Variants in GLIS3 observed in about 807,000 individuals in gnomAD.
The protein encoded by GLIS3 is GLIS family zinc finger 3, also known as zinc finger protein GLIS3.
A neutral mutation model predicts 78.6 loss-of-function variants in GLIS3; 53 were observed. That is an observed-to-expected ratio of 0.67 (90% CI 0.54 to 0.85). GLIS3 has a LOEUF of 0.85. GLIS3 is among the 40% of genes least tolerant of loss of function. The probability of loss-of-function intolerance (pLI) is 0.00; values close to 1 mark genes in which losing one functional copy is unlikely to be tolerated. For synonymous variants in GLIS3, 684 were observed against 509.9 expected (o/e 1.34, Z -4.60); for missense variants, 1,703 against 1,231.1 (o/e 1.38, Z -5.74).
chr9:4,091,200 T>C (rs186540888), intron 4 of GLIS3, among the ~76,000 whole-genome samples: 1 of 151,928 alleles, frequency 6.6e-6, no homozygotes, highest in Non-Finnish European at 1.5e-5. Context: ...ACAAAAATAA[T>C]TTTTAAAATG....
intron 2 of GLIS3, among the ~76,000 whole-genome samples, chr9:4,162,809 A>G (rs1025699989): frequency 6.8e-6 from 1 of 147,452 alleles, no homozygotes; most frequent in African/African-American, 2.5e-5. Flanking sequence ...GTGAGCCAAG[A>G]TTTCACCACT....
intron 4 of GLIS3, among the ~76,000 whole-genome samples, chr9:3,992,204 C>T (rs1215887530): frequency 1.3e-5 from 2 of 152,166 alleles, no homozygotes; most frequent in East Asian, 1.9e-4. Flanking sequence ...TTTATTTTCA[C>T]TTTATACAGT....
chr9:3,907,726 G>C (rs1307718446), intron 6 of GLIS3, among the ~76,000 whole-genome samples: 1 of 152,006 alleles, frequency 6.6e-6, no homozygotes, highest in Non-Finnish European at 1.5e-5. Flanking sequence ...CTCCCTGTGG[G>C]ATTGGGCTAG....
the GLIS3 span, among the ~76,000 whole-genome samples, chr9:4,373,999 A>G: frequency 6.6e-6 from 1 of 152,148 alleles, no homozygotes; most frequent in Non-Finnish European, 1.5e-5. Context: ...ACTATTGAAC[A>G]ATTTACTTCA....
At chr9:4,324,039 T>G (rs991978678) in intron 2 of GLIS3, among the ~76,000 whole-genome samples, 1 of 152,204 alleles carries the variant, frequency 6.6e-6, no homozygotes, top group East Asian at 1.9e-4. Context: ...CATCTGTTCA[T>G]TTACTCACCT....
intron 2 of GLIS3, among the ~76,000 whole-genome samples, chr9:4,196,417 A>G (rs1215739094): frequency 1.3e-5 from 2 of 152,176 alleles, no homozygotes; most frequent in Non-Finnish European, 2.9e-5. Flanking sequence ...CGCACTGTGG[A>G]AGCTTTGTTC....
At chr9:4,193,109 A>C (rs1217603844) in intron 2 of GLIS3, among the ~76,000 whole-genome samples, 1 of 152,248 alleles carries the variant, frequency 6.6e-6, no homozygotes, top group African/African-American at 2.4e-5. Flanking sequence ...TGAAATGTTC[A>C]GACTTATATT....
chr9:4,207,149 T>G (rs1819953204), intron 2 of GLIS3, among the ~76,000 whole-genome samples: 1 of 152,142 alleles, frequency 6.6e-6, no homozygotes. Flanking sequence ...ATCCATAACA[T>G]CTTTCATAAC....
chr9:3,986,125 T>A (rs183870407), intron 4 of GLIS3, among the ~76,000 whole-genome samples: 3 of 152,236 alleles, frequency 2.0e-5, no homozygotes, highest in African/African-American at 4.8e-5. Flanking sequence ...TTTCAATATC[T>A]TAGAGCCACT....
intron 2 of GLIS3, among the ~76,000 whole-genome samples, chr9:4,338,639 A>G (rs755217010): frequency 6.6e-6 from 1 of 152,194 alleles, no homozygotes; most frequent in Middle Eastern, 3.2e-3. Context: ...ATTGTTCTGC[A>G]TGAAGTTTGG....
At position 3,953,760 on chromosome 9, in the gene GLIS3, GCTCTCTCTCT is replaced by G. The variant is rs71507912; in HGVS notation, c.1711-16581_1711-16572del. ...AATATTGCCAATGATAATTAGATTTGCTCTCTCTCTCTCTCTCTCTCTCTCTCTCTCTCTC... is the reference window on the plus strand; with the variant it reads ...AATATTGCCAATGATAATTAGATTTGCTCTCTCTCTCTCTCTCTCTCTCTC... On this transcript the variant is annotated intron_variant, in intron 4 of 10. Coordinates refer to ENST00000381971, the MANE Select transcript of GLIS3 (RefSeq NM_001042413.2). Among the ~76,000 whole-genome samples, 419 of 103,370 alleles carry G rather than the reference GCTCTCTCTCT, an allele frequency of 4.1e-3. 2 individuals carry two copies. Among genetic ancestry groups the G allele is most frequent in the African/African-American group, 0.014 (378 of 27,088 alleles). 67.8% of individuals were successfully genotyped at this position (103,370 alleles called of 152,430 possible).
At chr9:3,867,734 CGTGTGT>C (rs925289052) in intron 8 of GLIS3, among the ~76,000 whole-genome samples, 2 of 14,920 alleles carry the variant, frequency 1.3e-4, no homozygotes, top group African/African-American at 2.2e-4. Flanking sequence ...TGTGTGCGTG[CGTGTGT>C]GTGTGTGTGT....
upstream of GLIS3, among the ~76,000 whole-genome samples, chr9:4,303,519 C>T (rs1435017652): frequency 2.0e-5 from 3 of 152,196 alleles, no homozygotes; most frequent in African/African-American, 4.8e-5. Flanking sequence ...AGCCCAAACT[C>T]TTCGGCTCAC....
intron 4 of GLIS3, among the ~76,000 whole-genome samples, chr9:4,105,241 C>T (rs1008513801): frequency 6.6e-6 from 1 of 152,130 alleles, no homozygotes; most frequent in Admixed American, 6.5e-5. Context: ...TGCATGGATT[C>T]TGTACTTAAG....
the GLIS3 span, among the ~76,000 whole-genome samples, chr9:4,450,567 T>C: frequency 2.0e-4 from 30 of 151,930 alleles, no homozygotes; most frequent in Non-Finnish European, 3.7e-4. Flanking sequence ...AAGGTTAAAA[T>C]GAAGGAAAAA....
rs759772060 is a variant in GLIS3 at position 4,118,788 on chromosome 9, G to C, written c.690C>G (p.Gly230=). The C allele has an allele frequency of 2.0e-5, 32 of 1,611,594 alleles. No individual in the cohort carries two copies. Among genetic ancestry groups the C allele is most frequent in the Non-Finnish European group, 2.7e-5 (32 of 1,180,024 alleles). ...ASSMKQEWSQ[G]YRALPSLSNH... is the part of the protein sequence containing the mutation. ...TGGAGAGCGAAGGGAGGGCCCTGTAGCCCTGGGACCACTCCTGCTTCATGC... is the reference window on the plus strand; with the variant it reads ...TGGAGAGCGAAGGGAGGGCCCTGTACCCCTGGGACCACTCCTGCTTCATGC... Residue 230 remains glycine, a synonymous_variant, in exon 4 of 11, where the codon GGC becomes GGG. Transcript: ENST00000381971. The surrounding 1 kb of genome is among the most constrained non-coding windows in gnomAD (Gnocchi z 4.7).
intron 6 of GLIS3, among the ~76,000 whole-genome samples, chr9:3,916,653 T>TAA (rs958706435): frequency 6.6e-6 from 1 of 152,238 alleles, no homozygotes; most frequent in Non-Finnish European, 1.5e-5. Flanking sequence ...GTAAAAGGAT[T>TAA]AAAGTTAAGG....
chr9:4,354,072 G>A, the GLIS3 span, among the ~76,000 whole-genome samples: 1 of 150,078 alleles, frequency 6.7e-6, no homozygotes, highest in African/African-American at 2.5e-5. Context: ...TCCTGACCTC[G>A]TGATCCGCCT....
At chr9:4,387,857 T>C in the GLIS3 span, among the ~76,000 whole-genome samples, 2 of 152,232 alleles carry the variant, frequency 1.3e-5, no homozygotes, top group Non-Finnish European at 2.9e-5. Context: ...TGTGTAACTG[T>C]AGCCTTTACA....
Sources: allele counts gnomAD v4.1 joint callset (sites outside exome capture counted in the v4.1 genomes callset), GRCh38; gene constraint gnomAD v4.1.1; non-coding constraint Gnocchi (gnomAD v3.1); transcripts MANE v1.5; gene names NCBI Gene and HGNC (gene_info 2026-07-23, HGNC 2026-07-21).